Variants in BBOF1 observed in about 807,000 individuals in gnomAD.
BBOF1 encodes the protein basal body orientation factor 1, also known as basal body-orientation factor 1.
A neutral mutation model predicts 68.0 loss-of-function variants in BBOF1; 62 were observed. The observed-to-expected ratio is 0.91, with a 90% confidence interval of 0.74 to 1.13. The LOEUF is 1.13. BBOF1 is among the 50% of genes most tolerant of loss of function. BBOF1 has a pLI of 0.00. For synonymous variants in BBOF1, 208 were observed against 198.8 expected (o/e 1.05, Z -0.39); for missense variants, 534 against 600.1 (o/e 0.89, Z 1.15).
chr14:74,029,954 A>G (rs974541108), intron 3 of BBOF1, among the ~76,000 whole-genome samples: 1 of 152,146 alleles, frequency 6.6e-6, no homozygotes, highest in Non-Finnish European at 1.5e-5. Context: ...TCTTACTGAT[A>G]CCAATATAAT....
At chr14:74,077,884 C>T (rs1375582301) in intron 9 of BBOF1, among the ~76,000 whole-genome samples, 1 of 152,170 alleles carries the variant, frequency 6.6e-6, no homozygotes, top group Non-Finnish European at 1.5e-5. Context: ...TAAACCTGAT[C>T]AGGACTGTCC....
intron 9 of BBOF1, chr14:74,075,121 T>A (rs2060597698): frequency 8.8e-6 from 9 of 1,017,224 alleles, no homozygotes; most frequent in Non-Finnish European, 1.4e-5. Context: ...ATAGGGGGTA[T>A]GTTTCTCTCA....
At position 74,050,082 on chromosome 14, in the gene BBOF1, A is replaced by C; in HGVS notation, c.1173A>C (p.Leu391Phe). 1 of 1,614,010 alleles carries C rather than the reference A, an allele frequency of 6.2e-7. No homozygotes were observed. The highest frequency in any genetic ancestry group is 8.5e-7 in the Non-Finnish European group (1 of 1,179,956). ...YKQIAQAAFN[L>F]KMRAACTGRT... ...AGATAGCACAAGCTGCTTTCAATTT[A>C]AAAATGAGAGCAGCATGTACAGGAA... The change falls in exon 8 of 12, where the codon TTA (leucine) becomes TTC (phenylalanine). Residue 391 changes from leucine to phenylalanine, a missense_variant. Physicochemically the swap from Leu to Phe is conservative, Grantham distance 22 (BLOSUM62 0). Coordinates refer to ENST00000394009, the MANE Select transcript of BBOF1 (RefSeq NM_025057.3).
At chr14:74,071,102 A>G (rs1489868313) in intron 9 of BBOF1, 3 of 1,209,260 alleles carry the variant, frequency 2.5e-6, no homozygotes, top group Non-Finnish European at 3.7e-6. Flanking sequence ...CCTCCTTACA[A>G]GTAGGTTCCT....
chr14:74,045,812 C>T (rs1334103271), intron 5 of BBOF1, among the ~76,000 whole-genome samples: 1 of 152,050 alleles, frequency 6.6e-6, no homozygotes, highest in East Asian at 1.9e-4. Context: ...TTCTGCTTTC[C>T]AACATGGAAT....
chr14:74,036,607 C>T (rs2059704948), intron 4 of BBOF1, among the ~76,000 whole-genome samples: 1 of 148,098 alleles, frequency 6.8e-6, no homozygotes, highest in Non-Finnish European at 1.5e-5. Context: ...TCTCTTGAAC[C>T]TGGGAGGCGG....
chr14:74,056,846 A>T (rs2060222740), intron 9 of BBOF1, 60 bp from the exon 10 acceptor site: 3 of 1,113,372 alleles, frequency 2.7e-6, no homozygotes, highest in Non-Finnish European at 4.0e-6. Context: ...AAAAGAAAAT[A>T]TGAAGGCATG....
intron 11 of BBOF1, among the ~76,000 whole-genome samples, chr14:74,063,810 G>A (rs1194111521): frequency 2.7e-5 from 4 of 149,908 alleles, no homozygotes; most frequent in African/African-American, 9.8e-5. Flanking sequence ...AGGTTGCAGT[G>A]AGCCAAGATT....
intron 11 of BBOF1, chr14:74,057,908 G>A (rs767774923): frequency 2.4e-5 from 24 of 994,868 alleles, no homozygotes; most frequent in Non-Finnish European, 2.9e-5. Flanking sequence ...TGTTTTTTTA[G>A]AAGTGATTTC....
Position 74,023,640 on chromosome 14 carries a change from G to A in BBOF1, c.285+496G>A, listed in dbSNP as rs532097057. ...TATTTGGAAGAAAAAAGGAGGCCGG[G>A]TGTGGTGGCTCACGCCTGTAATCCC... On this transcript the variant is annotated intron_variant, in intron 2 of 11. Coordinates refer to ENST00000394009, the MANE Select transcript of BBOF1 (RefSeq NM_025057.3). Among the ~76,000 whole-genome samples the A allele has an allele frequency of 2.8e-4, 42 of 152,288 alleles. 1 individual carries two copies. Among genetic ancestry groups the A allele is most frequent in the South Asian group, 8.3e-4 (4 of 4,828 alleles).
At chr14:74,059,186 C>T (rs954316765) in intron 11 of BBOF1, 2 of 218,738 alleles carry the variant, frequency 9.1e-6, no homozygotes, top group Non-Finnish European at 1.9e-5. Flanking sequence ...TGGAAAGCTT[C>T]GAAATTTCTT....
At chr14:74,036,748 C>T (rs145467528) in intron 4 of BBOF1, among the ~76,000 whole-genome samples, 90 of 151,000 alleles carry the variant, frequency 6.0e-4, no homozygotes, top group Middle Eastern at 6.9e-3. Flanking sequence ...TGTCCACACA[C>T]CTTAATGTGA....
At chr14:74,021,473 A>C (rs965262836) in intron 1 of BBOF1, among the ~76,000 whole-genome samples, 2 of 151,986 alleles carry the variant, frequency 1.3e-5, no homozygotes, top group African/African-American at 2.4e-5. Flanking sequence ...GCCTGTAGTC[A>C]CAGTTACTTA....
At chr14:74,067,903 TGACAGA>T (rs1485735254), downstream of BBOF1, among the ~76,000 whole-genome samples, 1 of 150,616 alleles carries the variant, frequency 6.6e-6, no homozygotes, top group Non-Finnish European at 1.5e-5. Flanking sequence ...CCAGACTGGG[TGACAGA>T]GTGAGACCCC....
At chr14:74,057,531 A>G in intron 11 of BBOF1, 1 of 1,350,228 alleles carries the variant, frequency 7.4e-7, no homozygotes, top group Non-Finnish European at 9.6e-7. Context: ...AATGTGTACT[A>G]TCTTTTACGT....
intron 2 of BBOF1, among the ~76,000 whole-genome samples, chr14:74,027,052 A>G (rs900023460): frequency 6.6e-6 from 1 of 151,596 alleles, no homozygotes; most frequent in African/African-American, 2.4e-5. Context: ...TAATAAACAC[A>G]TACATGAATA....
chr14:74,052,264 T>C lies in BBOF1; in HGVS notation c.1286+2069T>C, dbSNP rs532503239. 2.6e-5 allele frequency among the ~76,000 whole-genome samples: 4 copies of C among 151,996 alleles called. No individual in the cohort carries two copies. In the South Asian group the frequency reaches 8.3e-4, roughly 31 times the overall value. On this transcript the variant is annotated intron_variant, in intron 8 of 11. Coordinates refer to ENST00000394009, the MANE Select transcript of BBOF1 (RefSeq NM_025057.3). ...ACTGGACTCTTCCTATTCTGTGTTC[T>C]ATGTGACATTTTTGCTACTGACCAC... is the stretch of plus-strand genomic sequence containing the variant.
intron 9 of BBOF1, among the ~76,000 whole-genome samples, chr14:74,074,390 G>A (rs2060589021): frequency 1.3e-5 from 2 of 151,408 alleles, no homozygotes; most frequent in Admixed American, 6.6e-5. Flanking sequence ...GAATTCAAGC[G>A]ATTCTCCTGC....
intron 4 of BBOF1, among the ~76,000 whole-genome samples, chr14:74,038,942 A>T (rs926039561): frequency 6.6e-6 from 1 of 152,194 alleles, no homozygotes; most frequent in Non-Finnish European, 1.5e-5. Flanking sequence ...TGTTTTCCAT[A>T]TACCCGATTA....
Sources: gnomAD v4.1 joint callset for allele counts (sites outside exome capture counted in the v4.1 genomes callset) on GRCh38, gnomAD v4.1.1 for gene constraint, MANE v1.5 for transcripts, NCBI Gene and HGNC (gene_info 2026-07-23, HGNC 2026-07-21) for gene names.